The following BRWD1 variants were observed in gnomAD, a reference collection of about 807,000 sequenced individuals.
BRWD1 encodes bromodomain and WD repeat-containing protein 1.
In BRWD1, 82 loss-of-function variants were observed where a neutral mutation model predicts 251.2. That is an observed-to-expected ratio of 0.33 (90% confidence interval 0.27 to 0.39). The LOEUF (loss-of-function observed/expected upper bound fraction) is 0.39, where lower values mean the gene tolerates loss of function less well. Among genes scored for constraint, BRWD1 ranks in the 10% least tolerant of loss-of-function variants. BRWD1 has a pLI of 1.00. For synonymous variants in BRWD1, 918 were observed against 902.8 expected (o/e 1.02, Z -0.30); for missense variants, 2,233 against 2,711.6 (o/e 0.82, Z 3.92).
In BRWD1 at chr21:39,188,999, CTG is replaced by C. The variant is rs1000897742; in HGVS notation, c.*7258_*7259del. ...GGGAAGAGAAGTGGCTTAAAGTGCA[CTG>C]TGTTTACCACTTCAAAGACACTTCT... On this transcript the variant is annotated 3_prime_UTR_variant, in exon 41 of 41. Coordinates refer to ENST00000342449, the MANE Select transcript of BRWD1 (RefSeq NM_033656.4). The C allele has an allele frequency of 1.1e-5, 11 of 985,272 alleles. No homozygotes were observed. In the African/African-American group the frequency reaches 1.7e-4, roughly 16 times the overall value. 61.0% of individuals were successfully genotyped at this position (985,272 alleles called of 1,614,324 possible).
rs1241073916 is a variant in BRWD1, at chr21:39,191,694, A to C, written c.*4565T>G. On this transcript the variant is annotated 3_prime_UTR_variant, in exon 41 of 41. Transcript: ENST00000342449. ...CTTTTACCCACTGATCAAAAAAGGT[A>C]ATTTTTAAAATGATTTACCTTGTAA... is the stretch of plus-strand genomic sequence containing the variant. 1.0e-6 allele frequency: 1 copy of C among 985,080 alleles called. No individual in the cohort carries two copies. Among genetic ancestry groups the C allele is most frequent in the Non-Finnish European group, 1.2e-6 (1 of 829,790 alleles). The allele number at this position is 985,080 out of a possible 1,614,324, so 61.0% of individuals were successfully genotyped here.
At chr21:39,233,746 G>A (rs574648785) in intron 23 of BRWD1, among the ~76,000 whole-genome samples, 33 of 152,314 alleles carry the variant, frequency 2.2e-4, no homozygotes, top group South Asian at 4.1e-4. Flanking sequence ...TTGGCCGGGC[G>A]CCATGGCTCA....
chr21:39,233,955 G>A (rs1467360981), intron 23 of BRWD1, among the ~76,000 whole-genome samples: 1 of 152,320 alleles, frequency 6.6e-6, no homozygotes, highest in Admixed American at 6.5e-5. Flanking sequence ...GGGAGGTGGA[G>A]GTTGCAGTGA....
rs1395918892 is a variant in BRWD1 at position 39,280,836 on chromosome 21, T to C, written c.832-588A>G. Among the ~76,000 whole-genome samples the C allele has an allele frequency of 2.0e-5, 3 of 152,164 alleles. No individual in the cohort carries two copies. In the South Asian group the frequency reaches 6.2e-4, roughly 32 times the overall value. On this transcript the variant is annotated intron_variant, in intron 8 of 40. Coordinates refer to ENST00000342449, the MANE Select transcript of BRWD1 (RefSeq NM_033656.4). ...TCGAAATGGGTCAATGATTTAAATA[T>C]TTTGAAAACAAAGCCATAAAATAAG...
At chr21:39,267,492 G>A (rs1264714944) in intron 15 of BRWD1, among the ~76,000 whole-genome samples, 2 of 152,176 alleles carry the variant, frequency 1.3e-5, no homozygotes, top group African/African-American at 4.8e-5. Context: ...CCAGCTACTT[G>A]AGAGGCTGAG....
At chr21:39,199,809 GGT>G in intron 39 of BRWD1, 147 bp from the exon 40 acceptor site, 26 of 862,324 alleles carry the variant, frequency 3.0e-5, no homozygotes, top group Non-Finnish European at 4.1e-5. Context: ...GGAGTGCAAT[GGT>G]GCAATTTTGG....
At chr21:39,237,627 G>A (rs912869950) in intron 22 of BRWD1, among the ~76,000 whole-genome samples, 5 of 152,056 alleles carry the variant, frequency 3.3e-5, no homozygotes, top group Non-Finnish European at 7.4e-5. Flanking sequence ...ATGAAAACAC[G>A]GAAGGTAGAA....
intron 1 of BRWD1, among the ~76,000 whole-genome samples, chr21:39,319,275 A>C (rs566740606): frequency 6.6e-6 from 1 of 152,030 alleles, no homozygotes; most frequent in East Asian, 1.9e-4. Context: ...TCCTCAGCAA[A>C]TTGTTTCCAC....
At chr21:39,278,636 C>A in intron 10 of BRWD1, 107 bp downstream of exon 10, 9 of 734,594 alleles carry the variant, frequency 1.2e-5, no homozygotes, top group Non-Finnish European at 1.3e-5. Context: ...AAATAAACAC[C>A]AGAAGTCATT....
intron 21 of BRWD1, among the ~76,000 whole-genome samples, chr21:39,239,001 CTGTT>C (rs1433345098): frequency 2.0e-5 from 3 of 152,068 alleles, no homozygotes; most frequent in African/African-American, 7.2e-5. Context: ...GGTGAGGTGT[CTGTT>C]AGATCTTCTG....
intron 37 of BRWD1, 88 bp downstream of exon 37, chr21:39,206,020 T>C (rs1034722059): frequency 9.8e-5 from 128 of 1,309,506 alleles, no homozygotes; most frequent in Non-Finnish European, 8.3e-5. Context: ...GCAGAGATCA[T>C]GCCACTGCAC....
upstream of BRWD1, among the ~76,000 whole-genome samples, chr21:39,317,874 C>A (rs1311201956): frequency 6.6e-6 from 1 of 152,084 alleles, no homozygotes; most frequent in African/African-American, 2.4e-5. Flanking sequence ...CATAGTGAGA[C>A]CCTCTCTCTA....
chr21:39,247,211 C>A (rs2034223881), intron 21 of BRWD1, among the ~76,000 whole-genome samples: 1 of 152,084 alleles, frequency 6.6e-6, no homozygotes, highest in Admixed American at 6.5e-5. Flanking sequence ...AATAGGGTTT[C>A]TTTTAGGGAT....
intron 4 of BRWD1, among the ~76,000 whole-genome samples, chr21:39,299,465 A>G (rs1351610507): frequency 6.6e-6 from 1 of 152,162 alleles, no homozygotes; most frequent in Non-Finnish European, 1.5e-5. Context: ...GGATATACCT[A>G]TGGATTACTA....
chr21:39,195,013 C>G lies in BRWD1; in HGVS notation c.*1246G>C. On this transcript the variant is annotated 3_prime_UTR_variant, in exon 41 of 41. Transcript: ENST00000342449. Reference sequence around the variant, plus strand: ...GGAATGGCCATCTACACTGGAGTAGCATAACCTATCAAGTATTTGGTTAGA... The same window carrying G: ...GGAATGGCCATCTACACTGGAGTAGGATAACCTATCAAGTATTTGGTTAGA... 7.2e-7 allele frequency: 1 copy of G among 1,393,550 alleles called. No individual in the cohort carries two copies. The highest frequency in any genetic ancestry group is 9.3e-7 in the Non-Finnish European group (1 of 1,077,014). 86.3% of individuals were successfully genotyped at this position (1,393,550 alleles called of 1,614,324 possible). A position where few individuals can be genotyped will look rare whatever the true frequency, so the allele number is the denominator to read the frequency against.
chr21:39,291,324 A>G (rs1348398273), intron 8 of BRWD1, among the ~76,000 whole-genome samples: 2 of 152,226 alleles, frequency 1.3e-5, no homozygotes, highest in Non-Finnish European at 2.9e-5. Flanking sequence ...AATTCTAATG[A>G]GAGATACCAA....
Position 39,187,609 on chromosome 21 carries a change from CTA to C in BRWD1, c.*8648_*8649del. ...TAACCTTACATTTGCTTATCTACAA[CTA>C]TAAGGATGTCACTTAAAACAGTAGC... On this transcript the variant is annotated 3_prime_UTR_variant, in exon 41 of 41. Coordinates refer to ENST00000342449, the MANE Select transcript of BRWD1 (RefSeq NM_033656.4). 2 of 985,160 alleles carry C rather than the reference CTA, an allele frequency of 2.0e-6. No individual in the cohort carries two copies. Among genetic ancestry groups the C allele is most frequent in the Non-Finnish European group, 2.4e-6 (2 of 829,708 alleles). 61.0% of individuals were successfully genotyped at this position (985,160 alleles called of 1,614,324 possible).
chr21:39,296,233 T>C, intron 6 of BRWD1, 32 bp downstream of exon 6: 1 of 1,506,274 alleles, frequency 6.6e-7, no homozygotes, highest in Admixed American at 2.2e-5. Flanking sequence ...AAAACAATTA[T>C]TTCAGGCATC....
At chr21:39,274,667 G>A (rs1326247756) in intron 12 of BRWD1, among the ~76,000 whole-genome samples, 195 bp from the exon 13 acceptor site, 2 of 152,108 alleles carry the variant, frequency 1.3e-5, no homozygotes, top group African/African-American at 2.4e-5. Context: ...TGATTTGCCC[G>A]GCCCTATGAA....
Sources: gnomAD v4.1 joint callset for allele counts (sites outside exome capture counted in the v4.1 genomes callset) on GRCh38, gnomAD v4.1.1 for gene constraint, MANE v1.5 for transcripts, NCBI Gene and HGNC (gene_info 2026-07-23, HGNC 2026-07-21) for gene names.